Variants in ERP29 observed in about 807,000 individuals in gnomAD.
ERP29 encodes the protein endoplasmic reticulum protein 29.
ERP29 carries 14 observed loss-of-function variants against 21.7 expected under a neutral mutation model. The observed-to-expected ratio is 0.64, with a 90% CI of 0.43 to 1.01. The LOEUF (loss-of-function observed/expected upper bound fraction) is 1.01, where lower values mean the gene tolerates loss of function less well. Ranked by LOEUF, ERP29 falls within the 50% of genes least tolerant of loss-of-function variation. ERP29 has a pLI of 0.00. For missense variants in ERP29, 286 were observed against 327.3 expected (o/e 0.87, Z 0.97); for synonymous variants, 129 against 139.1 (o/e 0.93, Z 0.51).
chr12:112,021,864 C>T (rs1482145143), intron 2 of ERP29, among the ~76,000 whole-genome samples: 1 of 152,098 alleles, frequency 6.6e-6, no homozygotes, highest in Non-Finnish European at 1.5e-5. Context: ...CCCCCAGCAC[C>T]TAGAACAGCA....
At chr12:112,016,859 C>T (rs1249309332) in intron 1 of ERP29, among the ~76,000 whole-genome samples, 2 of 151,768 alleles carry the variant, frequency 1.3e-5, no homozygotes, top group East Asian at 3.9e-4. Context: ...CACTGCACTC[C>T]AGCCCGGGCA....
chr12:112,022,056 ATTC>A lies in ERP29; in HGVS notation c.284-88_284-86del, dbSNP rs1317324037. 1.1e-5 allele frequency: 15 copies of A among 1,318,468 alleles called. No homozygotes were observed. The East Asian group carries it at 3.0e-4, about 26-fold the overall frequency. The allele number at this position is 1,318,468 out of a possible 1,614,324, so 81.7% of individuals were successfully genotyped here. A position where few individuals can be genotyped will look rare whatever the true frequency, so the allele number is the denominator to read the frequency against. On this transcript the variant is annotated intron_variant, in intron 2 of 2. Transcript: ENST00000261735. ...TTTGAACCATTACACGGCCAAGAAA[ATTC>A]TTCTTTCCCTCAGTTCAGCTAGGTC...
rs565333335 is a variant in ERP29 at position 112,022,346 on chromosome 12, A to G, written c.480A>G (p.Val160=). The G allele has an allele frequency of 2.5e-6, 4 of 1,614,140 alleles. No individual in the cohort carries two copies. The South Asian group carries it at 4.4e-5, about 18-fold the overall frequency. ...VYLGMPGCLP[V]YDALAGEFIR... ...TAGGTATGCCTGGTTGCCTGCCTGT[A>G]TACGACGCCCTGGCCGGGGAGTTCA... The change falls in exon 3 of 3, where the codon GTA becomes GTG. Residue 160 remains valine (V), a synonymous_variant. Transcript: ENST00000261735.
intron 1 of ERP29, among the ~76,000 whole-genome samples, chr12:112,016,751 C>T (rs1003829255): frequency 5.9e-5 from 9 of 152,052 alleles, no homozygotes; most frequent in African/African-American, 1.9e-4. Context: ...ATTAGCCGGA[C>T]GTGGTGGCGG....
chr12:112,013,715 T>A, intron 1 of ERP29, 106 bp downstream of exon 1: 1 of 1,256,652 alleles, frequency 8.0e-7, no homozygotes, highest in Non-Finnish European at 1.1e-6. Context: ...AGGTGGTCTG[T>A]AGCAACGGTC....
Position 112,022,510 on chromosome 12 carries a change from A to G in ERP29, c.644A>G (p.Asp215Gly). Residue 215 changes from aspartate (D) to glycine (G), a missense_variant, in exon 3 of 3, where the codon GAC (aspartate) becomes GGC (glycine). Transcript: ENST00000261735. ...GGGAAGATCTTAGACCAAGGGGAGG[A>G]CTTCCCAGCATCAGAGATGACACGG... ...IMGKILDQGE[D>G]FPASEMTRIA... The G allele has an allele frequency of 1.2e-6, 2 of 1,614,126 alleles. No homozygotes were observed. Among genetic ancestry groups the G allele is most frequent in the Non-Finnish European group, 1.7e-6 (2 of 1,180,028 alleles).
At chr12:112,016,477 A>G (rs142448515) in intron 1 of ERP29, among the ~76,000 whole-genome samples, 96 of 152,340 alleles carry the variant, frequency 6.3e-4, no homozygotes, top group African/African-American at 2.2e-3. Context: ...TTTTTACTCA[A>G]TGAACGAATG....
intron 1 of ERP29, among the ~76,000 whole-genome samples, chr12:112,013,963 G>A (rs1000578344): frequency 3.3e-5 from 5 of 152,258 alleles, no homozygotes; most frequent in African/African-American, 7.2e-5. Context: ...CCGGAGGGCG[G>A]TGCGAGGTCG....
Position 112,022,260 on chromosome 12 carries a change from T to A in ERP29, c.394T>A (p.Tyr132Asn). ...RDGDFENPVP[Y>N]TGAVKVGAIQ... ...TGGGGACTTTGAGAACCCAGTCCCATACACTGGGGCAGTTAAGGTTGGAGC... is the reference window on the plus strand; with the variant it reads ...TGGGGACTTTGAGAACCCAGTCCCAAACACTGGGGCAGTTAAGGTTGGAGC... The change falls in exon 3 of 3, where the codon TAC becomes AAC. Residue 132 changes from tyrosine (Y) to asparagine (N), a missense_variant. By Grantham distance (143) the Tyr-to-Asn change is moderately radical. Coordinates refer to ENST00000261735, the MANE Select transcript of ERP29 (RefSeq NM_006817.4). 1 of 1,613,430 alleles carries A rather than the reference T, an allele frequency of 6.2e-7. No homozygotes were observed. Among genetic ancestry groups the A allele is most frequent in the Non-Finnish European group, 8.5e-7 (1 of 1,179,612 alleles).
intron 1 of ERP29, among the ~76,000 whole-genome samples, chr12:112,018,139 T>C (rs1426458432): frequency 6.6e-6 from 1 of 152,030 alleles, no homozygotes; most frequent in African/African-American, 2.4e-5. Context: ...ACATAATTTT[T>C]TTTTTCTTTT....
intron 2 of ERP29, among the ~76,000 whole-genome samples, chr12:112,021,381 T>A (rs2078044201): frequency 6.6e-6 from 1 of 152,210 alleles, no homozygotes; most frequent in African/African-American, 2.4e-5. Context: ...GAGGCCTGCC[T>A]TGACCACCTG....
intron 1 of ERP29, among the ~76,000 whole-genome samples, chr12:112,017,790 T>TC (rs1398000255): frequency 6.8e-6 from 1 of 147,554 alleles, no homozygotes; most frequent in Non-Finnish European, 1.5e-5. Flanking sequence ...TTTCTTTTTT[T>TC]TTTTTTTTTT....
intron 1 of ERP29, chr12:112,019,343 G>A: frequency 3.6e-6 from 1 of 274,008 alleles, no homozygotes; most frequent in South Asian, 3.7e-5. Flanking sequence ...CTCCTTTGTA[G>A]GTAGGTTTGT....
At chr12:112,016,613 T>A (rs2078014064) in intron 1 of ERP29, among the ~76,000 whole-genome samples, 1 of 152,210 alleles carries the variant, frequency 6.6e-6, no homozygotes, top group Non-Finnish European at 1.5e-5. Flanking sequence ...GAAAATAGAC[T>A]TCTAAAGCTA....
At chr12:112,018,819 A>G (rs2078028514) in intron 1 of ERP29, 1 of 152,248 alleles carries the variant, frequency 6.6e-6, no homozygotes, top group African/African-American at 2.4e-5. Flanking sequence ...TGTAATATTT[A>G]TTTGGCCATA....
At chr12:112,015,237 C>G (rs1183567414) in intron 1 of ERP29, 1 of 150,208 alleles carries the variant, frequency 6.7e-6, no homozygotes. Context: ...CTTGTAATCC[C>G]GGCACTTTGG....
intron 2 of ERP29, 129 bp downstream of exon 2, chr12:112,020,023 T>A (rs2078036476): frequency 1.7e-6 from 2 of 1,149,408 alleles, no homozygotes; most frequent in Non-Finnish European, 2.5e-6. Flanking sequence ...GTAAACAGGT[T>A]CATGGTCTCT....
chr12:112,016,656 C>T (rs1291763519), intron 1 of ERP29, among the ~76,000 whole-genome samples: 3 of 152,088 alleles, frequency 2.0e-5, no homozygotes, highest in Non-Finnish European at 2.9e-5. Context: ...TTCGGGAGGC[C>T]GAGGCAGGTG....
chr12:112,022,414 A>G lies in ERP29; in HGVS notation c.548A>G (p.Gln183Arg). The G allele has an allele frequency of 6.2e-7, 1 of 1,614,178 alleles. No homozygotes were observed. Among genetic ancestry groups the G allele is most frequent in the Non-Finnish European group, 8.5e-7 (1 of 1,180,022 alleles). The part of the protein sequence containing the change: ...GVEARQALLK[Q>R]GQDNLSSVKE... ...GAGGCCCGCCAGGCCCTCTTGAAGC[A>G]GGGGCAAGATAACCTCTCAAGTGTG... The change falls in exon 3 of 3, where the codon CAG (glutamine) becomes CGG (arginine). Residue 183 changes from glutamine to arginine, a missense_variant. By Grantham distance (43) the Gln-to-Arg change is conservative. Coordinates refer to ENST00000261735, the MANE Select transcript of ERP29 (RefSeq NM_006817.4).
Sources: allele counts gnomAD v4.1 joint callset (sites outside exome capture counted in the v4.1 genomes callset), GRCh38; gene constraint gnomAD v4.1.1; transcripts MANE v1.5; gene names NCBI Gene and HGNC (gene_info 2026-07-23, HGNC 2026-07-21).